The following CAMK1D variants were observed in gnomAD, a reference collection of about 807,000 sequenced individuals.
CAMK1D encodes the protein calcium/calmodulin-dependent protein kinase type 1D.
A neutral mutation model predicts 47.7 loss-of-function variants in CAMK1D; 9 were observed. The observed-to-expected ratio is 0.19, with a 90% CI of 0.11 to 0.33. The LOEUF (loss-of-function observed/expected upper bound fraction) is 0.33. CAMK1D is among the 10% of genes least tolerant of loss of function. CAMK1D has a pLI of 1.00. For missense variants in CAMK1D, 291 were observed against 488.7 expected, an observed-to-expected ratio of 0.60 and a Z score of 3.81; for synonymous variants, 184 against 184.9, an observed-to-expected ratio of 0.99 and a Z score of 0.04.
At chr10:12,780,797 C>G (rs994285316) in intron 5 of CAMK1D, among the ~76,000 whole-genome samples, 1 of 152,208 alleles carries the variant, frequency 6.6e-6, no homozygotes, top group Admixed American at 6.5e-5. Flanking sequence ...AATTGTCATA[C>G]AGGGCACAGA....
chr10:12,557,833 C>T (rs1836814296), intron 2 of CAMK1D, among the ~76,000 whole-genome samples: 4 of 152,210 alleles, frequency 2.6e-5, no homozygotes, highest in African/African-American at 9.7e-5. Flanking sequence ...ATTGGAAAGA[C>T]TGCCTGCCCC....
chr10:12,415,633 C>A (rs900847450), intron 1 of CAMK1D, among the ~76,000 whole-genome samples: 5 of 151,704 alleles, frequency 3.3e-5, no homozygotes, highest in African/African-American at 1.2e-4. Flanking sequence ...CTTGTTTCTT[C>A]CATGTTACAT....
intron 5 of CAMK1D, among the ~76,000 whole-genome samples, chr10:12,777,771 A>G (rs1588914889): frequency 6.6e-6 from 1 of 152,290 alleles, no homozygotes; most frequent in Non-Finnish European, 1.5e-5. Context: ...CATGATGTCC[A>G]CCGTGGGGCT....
chr10:12,816,410 A>G (rs1644418), intron 8 of CAMK1D, 82 bp downstream of exon 8: 93,915 of 1,094,440 alleles, frequency 0.086, 14,497 homozygotes, highest in African/African-American at 0.5. Flanking sequence ...GGCCGTTGTC[A>G]TTTATGAAAT....
chr10:12,418,422 T>C (rs1428244079), intron 1 of CAMK1D, among the ~76,000 whole-genome samples: 1 of 152,060 alleles, frequency 6.6e-6, no homozygotes, highest in Non-Finnish European at 1.5e-5. Flanking sequence ...CTGGGCAACA[T>C]AGCCACATCC....
intron 4 of CAMK1D, among the ~76,000 whole-genome samples, chr10:12,765,906 C>T (rs2130919325): frequency 6.7e-6 from 1 of 149,946 alleles, no homozygotes; most frequent in Admixed American, 6.7e-5. Context: ...CTAGTTAGGG[C>T]TAGGTGTGCC....
intron 2 of CAMK1D, among the ~76,000 whole-genome samples, chr10:12,562,900 C>A (rs1836988150): frequency 6.6e-6 from 1 of 152,214 alleles, no homozygotes; most frequent in Non-Finnish European, 1.5e-5. Context: ...GGACTGGGTG[C>A]TGATTAGGCA....
At chr10:12,504,225 TACACACAC>T (rs111662084) in intron 1 of CAMK1D, among the ~76,000 whole-genome samples, 17 of 147,734 alleles carry the variant, frequency 1.2e-4, no homozygotes, top group African/African-American at 3.8e-4. Flanking sequence ...ATACACATTT[TACACACAC>T]ACACACACAC....
chr10:12,351,784 C>G (rs1375423406), intron 1 of CAMK1D, among the ~76,000 whole-genome samples: 1 of 152,174 alleles, frequency 6.6e-6, no homozygotes, highest in East Asian at 1.9e-4. Flanking sequence ...AGAACAGCCT[C>G]TTGGACTCCA....
At chr10:12,355,709 C>T (rs950778951) in intron 1 of CAMK1D, among the ~76,000 whole-genome samples, 2 of 152,138 alleles carry the variant, frequency 1.3e-5, no homozygotes, top group African/African-American at 4.8e-5. Context: ...TGTTTGGATT[C>T]CCCAGTCCTC....
At chr10:12,827,380 T>C (rs111165201) in intron 10 of CAMK1D, among the ~76,000 whole-genome samples, 12 of 91,248 alleles carry the variant, frequency 1.3e-4, no homozygotes, top group African/African-American at 3.5e-4. Flanking sequence ...TTCTTTCTTT[T>C]TCTTTCCCTT....
At chr10:12,692,500 A>G (rs1832966805) in intron 3 of CAMK1D, among the ~76,000 whole-genome samples, 1 of 152,222 alleles carries the variant, frequency 6.6e-6, no homozygotes, top group Non-Finnish European at 1.5e-5. Flanking sequence ...AAAATATGAA[A>G]TGTCATAACG....
At chr10:12,788,868 A>G (rs1837851993) in intron 5 of CAMK1D, among the ~76,000 whole-genome samples, 1 of 152,238 alleles carries the variant, frequency 6.6e-6, no homozygotes, top group Non-Finnish European at 1.5e-5. Context: ...GAGGGTGAAC[A>G]TGGTGAAGAA....
At chr10:12,772,542 CTG>C (rs1311780713) in intron 5 of CAMK1D, among the ~76,000 whole-genome samples, 4 of 152,170 alleles carry the variant, frequency 2.6e-5, no homozygotes, top group Non-Finnish European at 4.4e-5. Flanking sequence ...TTTTACTGCT[CTG>C]TGTTTTGGCA....
chr10:12,625,818 G>A (rs1040022391), intron 2 of CAMK1D, among the ~76,000 whole-genome samples: 3 of 152,030 alleles, frequency 2.0e-5, no homozygotes, highest in Admixed American at 6.5e-5. Flanking sequence ...ACATTTGAAC[G>A]TGTCTAGGAT....
At position 12,835,353 on chromosome 10, in the gene CAMK1D, T is replaced by A. The variant is rs1318670749; in HGVS notation, c.*6466T>A. On this transcript the variant is annotated 3_prime_UTR_variant, in exon 11 of 11. Transcript: ENST00000619168. Reference sequence around the variant, plus strand: ...AAAAGAAGGGAAACTGTGAATTTATTCCATGCATGTAATAAACTCTGCAAG... The same window carrying A: ...AAAAGAAGGGAAACTGTGAATTTATACCATGCATGTAATAAACTCTGCAAG... 1.3e-5 allele frequency: 2 copies of A among 152,246 alleles called. No individual in the cohort carries two copies. Among genetic ancestry groups the A allele is most frequent in the Admixed American group, 1.3e-4 (2 of 15,284 alleles). 9.4% of individuals were successfully genotyped at this position (152,246 alleles called of 1,614,324 possible). A position where few individuals can be genotyped will look rare whatever the true frequency, so the allele number is the denominator to read the frequency against.
intron 1 of CAMK1D, among the ~76,000 whole-genome samples, chr10:12,446,896 A>G (rs1168045866): frequency 2.6e-5 from 4 of 152,118 alleles, no homozygotes; most frequent in Admixed American, 2.6e-4. Flanking sequence ...ATCTTTTCTG[A>G]GAATTACATG....
chr10:12,736,387 A>G (rs1283395541), intron 3 of CAMK1D, among the ~76,000 whole-genome samples: 3 of 152,178 alleles, frequency 2.0e-5, no homozygotes, highest in Non-Finnish European at 4.4e-5. Flanking sequence ...CTAGATAAGC[A>G]TCGTAATTGT....
At chr10:12,433,250 C>G (rs1288597558) in intron 1 of CAMK1D, among the ~76,000 whole-genome samples, 1 of 152,062 alleles carries the variant, frequency 6.6e-6, no homozygotes, top group East Asian at 1.9e-4. Context: ...TTTTGCCTAC[C>G]ACGTTTGTGG....
Sources: allele counts gnomAD v4.1 joint callset (sites outside exome capture counted in the v4.1 genomes callset), GRCh38; gene constraint gnomAD v4.1.1; transcripts MANE v1.5; gene names NCBI Gene and HGNC (gene_info 2026-07-23, HGNC 2026-07-21).